SMG1: variants seen among roughly 807,000 people sequenced by gnomAD.
SMG1 encodes the protein serine/threonine-protein kinase SMG1.
SMG1 carries 22 observed loss-of-function variants against 419.9 expected under a neutral mutation model. That is an observed-to-expected ratio of 0.05 (90% CI 0.04 to 0.07). The LOEUF is 0.07. Among genes scored for constraint, SMG1 ranks in the 10% least tolerant of loss-of-function variants. SMG1 has a pLI of 1.00. For synonymous variants in SMG1, 1,538 were observed against 1,553.5 expected, an observed-to-expected ratio of 0.99 and a Z score of 0.23; for missense variants, 3,185 against 4,342.0, an observed-to-expected ratio of 0.73 and a Z score of 7.49.
intron 38 of SMG1, among the ~76,000 whole-genome samples, chr16:18,846,200 A>AT (rs2034258861): frequency 6.6e-6 from 1 of 152,190 alleles, no homozygotes; most frequent in South Asian, 2.1e-4. Flanking sequence ...GGAAAATGTG[A>AT]TATCAACATG....
intron 1 of SMG1, among the ~76,000 whole-genome samples, chr16:18,906,416 G>A (rs562614559): frequency 6.6e-6 from 1 of 152,192 alleles, no homozygotes; most frequent in Admixed American, 6.5e-5. Context: ...CCAGGAGGTG[G>A]AGGTTGCAGT....
At position 18,829,643 on chromosome 16, in the gene SMG1, G is replaced by T; in HGVS notation, c.9246C>A (p.Ile3082=). ...CFSEDQMAKP[I]KAFTADFVRQ... is the part of the protein sequence containing the mutation. ...TCACAAAGTCAGCTGTGAATGCCTT[G>T]ATAGGTTTGGCCATTTGGTCTTCAC... The change falls in exon 54 of 63, where the codon ATC becomes ATA. Residue 3082 remains isoleucine, a synonymous_variant. Transcript: ENST00000446231. 1 of 1,614,002 alleles carries T rather than the reference G, an allele frequency of 6.2e-7. No homozygotes were observed. The highest frequency in any genetic ancestry group is 8.5e-7 in the Non-Finnish European group (1 of 1,179,880).
At chr16:18,821,221 C>CTTTTTTTTTTTTTTTTTCTTTTTTTTT (rs2032509124) in intron 55 of SMG1, among the ~76,000 whole-genome samples, 1 of 35,600 alleles carries the variant, frequency 2.8e-5, no homozygotes, top group Non-Finnish European at 5.5e-5. Context: ...TAGTATGTTT[C>CTTTTTTTTTTTTTTTTTCTTTTTTTTT]TTTTTTTTTT....
At chr16:18,871,503 T>A in intron 15 of SMG1, 21 bp from the exon 16 acceptor site, 1 of 1,353,156 alleles carries the variant, frequency 7.4e-7, no homozygotes, top group Non-Finnish European at 1.0e-6. Context: ...AAATATACAG[T>A]TGACTGTACA....
intron 29 of SMG1, among the ~76,000 whole-genome samples, chr16:18,855,505 T>G (rs937536422): frequency 1.3e-5 from 2 of 152,202 alleles, no homozygotes; most frequent in African/African-American, 4.8e-5. Context: ...CTACACTCTA[T>G]TTATTTCAAG....
rs372691961 is a variant in SMG1 at position 18,846,036 on chromosome 16, G to A, written c.5997-385C>T. ...TCACCATGTTGGCCAGGATGGTCTC[G>A]ATCTCCTGACCTCGTGATCCGCCCG... On this transcript the variant is annotated intron_variant, in intron 38 of 62. Transcript: ENST00000446231. 5.9e-5 allele frequency among the ~76,000 whole-genome samples: 9 copies of A among 151,960 alleles called. No individual in the cohort carries two copies. The East Asian group carries it at 1.2e-3, about 20-fold the overall frequency.
At position 18,834,909 on chromosome 16, in the gene SMG1, G is replaced by C. The variant is rs1168843837; in HGVS notation, c.8313C>G (p.Ala2771=). ...TAACTTACCTTGTAAGGGTACAAAG[G>C]GCAGAAATAATAACACTTGCTAGAC... ...SLSLASVIIS[A]LCTLTRRNLM... is the part of the protein sequence containing the mutation. The change falls in exon 49 of 63, where the codon GCC becomes GCG. Residue 2771 remains alanine, a synonymous_variant. Transcript: ENST00000446231. The C allele has an allele frequency of 6.2e-7, 1 of 1,613,790 alleles. No individual in the cohort carries two copies. The highest frequency in any genetic ancestry group is 1.3e-5 in the African/African-American group (1 of 74,926).
At chr16:18,841,511 T>C in intron 41 of SMG1, 54 bp downstream of exon 41, 2 of 1,538,736 alleles carry the variant, frequency 1.3e-6, no homozygotes, top group Non-Finnish European at 9.0e-7. Context: ...TCTACAAGTA[T>C]TTCACATAAT....
chr16:18,848,110 A>G (rs2034372031), intron 36 of SMG1, 77 bp from the exon 37 acceptor site: 1 of 1,230,404 alleles, frequency 8.1e-7, no homozygotes, highest in African/African-American at 1.5e-5. Flanking sequence ...GAAAACACTG[A>G]TAATCTATTT....
At chr16:18,877,360 A>T (rs138794426) in intron 11 of SMG1, 128 bp from the exon 12 acceptor site, 52,272 of 563,134 alleles carry the variant, frequency 0.093, 2,774 homozygotes, top group Middle Eastern at 0.15. Flanking sequence ...CTCCAACTAC[A>T]TGGCATTCTG....
At chr16:18,864,774 G>C (rs974152985) in intron 23 of SMG1, among the ~76,000 whole-genome samples, 12 of 152,106 alleles carry the variant, frequency 7.9e-5, no homozygotes, top group Non-Finnish European at 1.3e-4. Context: ...ACCGCGCCCA[G>C]CCCCAAAGGA....
Position 18,806,110 on chromosome 16 carries a change from A to G in SMG1, c.*3459T>C, listed in dbSNP as rs2030809630. 1 of 152,644 alleles carries G rather than the reference A, an allele frequency of 6.6e-6. No homozygotes were observed. Among genetic ancestry groups the G allele is most frequent in the South Asian group, 2.1e-4 (1 of 4,830 alleles). The allele number at this position is 152,644 out of a possible 1,614,324, so 9.5% of individuals were successfully genotyped here. ...AAAAAGGACCGAAGATTGCACATCAAGTCTAATATTTGGCTGTACTTGCAT... is the reference window on the plus strand; with the variant it reads ...AAAAAGGACCGAAGATTGCACATCAGGTCTAATATTTGGCTGTACTTGCAT... On this transcript the variant is annotated 3_prime_UTR_variant, in exon 63 of 63. Coordinates refer to ENST00000446231, the MANE Select transcript of SMG1 (RefSeq NM_015092.5).
chr16:18,819,097 G>A (rs925979621), intron 56 of SMG1, among the ~76,000 whole-genome samples: 9 of 151,448 alleles, frequency 5.9e-5, no homozygotes, highest in Non-Finnish European at 8.8e-5. Flanking sequence ...GATTACAGGC[G>A]TAAGCCACGG....
chr16:18,819,525 T>G lies in SMG1; in HGVS notation c.9871A>C (p.Lys3291Gln), dbSNP rs769929396. Reference protein sequence around the residue: ...TIAERRNLVLKESQRASQVTF... With the variant: ...TIAERRNLVLQESQRASQVTF... ...ACCTGACTTGCTCTTTGGCTCTCTT[T>G]AAGGACAAGATTTCTTCTTTCAGCT... The change falls in exon 56 of 63, where the codon AAA (lysine) becomes CAA (glutamine). Residue 3291 changes from lysine (K) to glutamine (Q), a missense_variant. By Grantham distance (53) the Lys-to-Gln change is moderately conservative. Transcript: ENST00000446231. The G allele has an allele frequency of 6.2e-7, 1 of 1,610,344 alleles. No individual in the cohort carries two copies. Among genetic ancestry groups the G allele is most frequent in the Admixed American group, 1.7e-5 (1 of 59,466 alleles).
intron 25 of SMG1, among the ~76,000 whole-genome samples, chr16:18,861,754 C>T (rs1462191232): frequency 2.6e-5 from 4 of 152,144 alleles, no homozygotes; most frequent in Non-Finnish European, 5.9e-5. Context: ...CTATAATGCC[C>T]TATGCTTTCA....
intron 50 of SMG1, 76 bp from the exon 51 acceptor site, chr16:18,833,242 T>A: frequency 8.8e-7 from 1 of 1,130,298 alleles, no homozygotes. Flanking sequence ...CTTAGAGCCA[T>A]ACATTAAGAG....
Position 18,812,611 on chromosome 16 carries a change from CATACACACATAT to C in SMG1, c.10622-496_10622-485del, listed in dbSNP as rs1261098715. Among the ~76,000 whole-genome samples, 240 of 83,572 alleles carry C rather than the reference CATACACACATAT, an allele frequency of 2.9e-3. 5 individuals are homozygous for C. The East Asian group carries it at 0.056, about 20-fold the overall frequency. 54.8% of individuals were successfully genotyped at this position (83,572 alleles called of 152,430 possible). ...ATACATATATATACACATATATATA[CATACACACATAT>C]ATATACACATATATATACACATATA... is the stretch of plus-strand genomic sequence containing the variant. On this transcript the variant is annotated intron_variant, in intron 60 of 62. Coordinates refer to ENST00000446231, the MANE Select transcript of SMG1 (RefSeq NM_015092.5).
intron 49 of SMG1, 127 bp downstream of exon 49, chr16:18,834,765 C>A: frequency 9.3e-7 from 1 of 1,080,570 alleles, no homozygotes; most frequent in Non-Finnish European, 1.3e-6. Flanking sequence ...ACCAAGATAA[C>A]TAAAATCTGA....
chr16:18,847,681 G>A (rs2034345035), intron 37 of SMG1, 74 bp from the exon 38 acceptor site: 1 of 1,307,796 alleles, frequency 7.6e-7, no homozygotes, highest in Non-Finnish European at 1.0e-6. Flanking sequence ...ACTGGACTTT[G>A]TAAGTTAAGT....
Sources: allele counts gnomAD v4.1 joint callset (sites outside exome capture counted in the v4.1 genomes callset), GRCh38; gene constraint gnomAD v4.1.1; transcripts MANE v1.5; gene names NCBI Gene and HGNC (gene_info 2026-07-23, HGNC 2026-07-21).